Variants in COL25A1 observed in about 807,000 individuals in gnomAD.
COL25A1 encodes collagen alpha-1(XXV) chain.
A neutral mutation model predicts 128.4 loss-of-function variants in COL25A1; 103 were observed. The observed-to-expected ratio is 0.80, with a 90% CI of 0.68 to 0.94. The LOEUF (loss-of-function observed/expected upper bound fraction) is 0.94. COL25A1 is among the 40% of genes least tolerant of loss of function. COL25A1 has a pLI of 0.00. For missense variants in COL25A1, 745 were observed against 840.0 expected (o/e 0.89, Z 1.40); for synonymous variants, 279 against 277.2 (o/e 1.01, Z -0.06).
rs146642773 is a variant in COL25A1, at chr4:109,149,059, C to T, written c.368-98880G>A. ...AACATCCTTCAATTGTATTATCATACATGTCTCTTCCAGATATCCCTAATC... is the reference window on the plus strand; with the variant it reads ...AACATCCTTCAATTGTATTATCATATATGTCTCTTCCAGATATCCCTAATC... On this transcript the variant is annotated intron_variant, in intron 3 of 37. Coordinates refer to ENST00000399132, the MANE Select transcript of COL25A1 (RefSeq NM_198721.4). Among the ~76,000 whole-genome samples, 144 of 152,304 alleles carry T rather than the reference C, an allele frequency of 9.5e-4. 1 individual carries two copies. The East Asian group carries it at 0.024, about 25-fold the overall frequency.
At chr4:108,815,824 T>C (rs962244670) in intron 37 of COL25A1, among the ~76,000 whole-genome samples, 24 of 152,100 alleles carry the variant, frequency 1.6e-4, no homozygotes, top group Non-Finnish European at 3.2e-4. Context: ...GCGATTCAGA[T>C]TATAAACCCC....
At chr4:108,919,318 G>A (rs566531225) in intron 12 of COL25A1, among the ~76,000 whole-genome samples, 13 of 152,262 alleles carry the variant, frequency 8.5e-5, no homozygotes, top group African/African-American at 2.9e-4. Context: ...ACTTCCCGAA[G>A]CCTGAAGCAG....
rs765662620 is a variant in COL25A1, at chr4:109,050,115, C to T, written c.412+20G>A. On this transcript the variant is annotated intron_variant, in intron 4 of 37. Transcript: ENST00000399132. ...TAACCAGAACATGAGTGACACAGAG[C>T]AGCTGAAAGAGAGACTTACCAGATT... 1 of 1,603,546 alleles carries T rather than the reference C, an allele frequency of 6.2e-7. No individual in the cohort carries two copies. The highest frequency in any genetic ancestry group is 1.1e-5 in the South Asian group (1 of 89,878).
chr4:108,994,898 C>G (rs1434093130), intron 6 of COL25A1, among the ~76,000 whole-genome samples: 1 of 152,196 alleles, frequency 6.6e-6, no homozygotes, highest in Non-Finnish European at 1.5e-5. Flanking sequence ...GGAAAACTAA[C>G]AAACAGAAAG....
chr4:109,050,178 G>T lies in COL25A1; in HGVS notation c.369C>A (p.Gly123=), dbSNP rs764161674. ...EAPSECNCPA[G]PPGKRGKRGR... ...CTCTCTTACCTCGTTTCCCTGGAGG[G>T]CCTGAAATACAAAGGATAATTTTTT... is the stretch of plus-strand genomic sequence containing the variant. The change falls in exon 4 of 38, where the codon GGC becomes GGA. Residue 123 remains glycine, a splice_region_variant and synonymous_variant. Transcript: ENST00000399132. The T allele has an allele frequency of 1.2e-6, 2 of 1,605,662 alleles. No homozygotes were observed. The highest frequency in any genetic ancestry group is 1.7e-5 in the Admixed American group (1 of 59,624).
chr4:109,279,403 C>A (rs1328103863), intron 3 of COL25A1, among the ~76,000 whole-genome samples: 1 of 152,006 alleles, frequency 6.6e-6, no homozygotes, highest in Non-Finnish European at 1.5e-5. Context: ...AATAAAGACT[C>A]CATCTCTTCA....
chr4:108,952,950 T>C (rs192543960), intron 8 of COL25A1, among the ~76,000 whole-genome samples: 122 of 144,692 alleles, frequency 8.4e-4, no homozygotes, highest in African/African-American at 2.8e-3. Context: ...TTGCTAAACA[T>C]CCTTTGTTTG....
At chr4:108,902,446 T>C (rs1742953402) in intron 13 of COL25A1, among the ~76,000 whole-genome samples, 1 of 152,134 alleles carries the variant, frequency 6.6e-6, no homozygotes, top group South Asian at 2.1e-4. Context: ...GTTACACTGA[T>C]AAGTGAACGA....
chr4:108,824,457 G>C (rs1732134667), intron 34 of COL25A1, among the ~76,000 whole-genome samples: 1 of 152,192 alleles, frequency 6.6e-6, no homozygotes, highest in South Asian at 2.1e-4. Context: ...ATACAGAGTA[G>C]AAAGAATACC....
intron 11 of COL25A1, among the ~76,000 whole-genome samples, chr4:108,935,594 C>T (rs1747300120): frequency 6.6e-6 from 1 of 151,648 alleles, no homozygotes; most frequent in African/African-American, 2.4e-5. Flanking sequence ...CGAACTAAAT[C>T]CTAAGAGTTT....
chr4:108,940,611 A>T lies in COL25A1; in HGVS notation c.600T>A (p.Pro200=). ...GTGGCCCTCTTGGGCCTGGAGGGCC[A>T]GGGGGTCCTGGAGGCCCTGCCTGTC... ...DQGQAGPPGP[P]GPPGPRGPPG... The change falls in exon 10 of 38, where the codon CCT becomes CCA. Residue 200 remains proline (P), a synonymous_variant. Coordinates refer to ENST00000399132, the MANE Select transcript of COL25A1 (RefSeq NM_198721.4). The T allele has an allele frequency of 6.2e-7, 1 of 1,609,726 alleles. No individual in the cohort carries two copies. Among genetic ancestry groups the T allele is most frequent in the Non-Finnish European group, 8.5e-7 (1 of 1,177,826 alleles).
chr4:108,819,020 G>A (rs933044011), intron 36 of COL25A1, among the ~76,000 whole-genome samples: 3 of 152,090 alleles, frequency 2.0e-5, no homozygotes, highest in Admixed American at 2.0e-4. Flanking sequence ...CAGAAAAGGT[G>A]GTCATGTCAG....
In COL25A1 at chr4:109,186,037, T is replaced by G. The variant is rs575569075; in HGVS notation, c.367+114546A>C. Among the ~76,000 whole-genome samples, 8 of 152,366 alleles carry G rather than the reference T, an allele frequency of 5.3e-5. No individual in the cohort carries two copies. In the South Asian group the frequency reaches 1.7e-3, roughly 32 times the overall value. ...ACTAATTTAAAATCTTTCTATCATT[T>G]GCTAAAACCTACCAAATATATGAGA... On this transcript the variant is annotated intron_variant, in intron 3 of 37. Coordinates refer to ENST00000399132, the MANE Select transcript of COL25A1 (RefSeq NM_198721.4).
At chr4:109,177,910 G>C (rs1560817771) in intron 3 of COL25A1, among the ~76,000 whole-genome samples, 1 of 152,198 alleles carries the variant, frequency 6.6e-6, no homozygotes, top group Non-Finnish European at 1.5e-5. Flanking sequence ...AAAGAGCAGA[G>C]AGACATGTTA....
In COL25A1 at chr4:108,827,285, A is replaced by T. The variant is rs1732511126; in HGVS notation, c.1711-97T>A. 2.9e-6 allele frequency: 3 copies of T among 1,051,074 alleles called. No individual in the cohort carries two copies. In the African/African-American group the frequency reaches 4.7e-5, roughly 16 times the overall value. The allele number at this position is 1,051,074 out of a possible 1,614,324, so 65.1% of individuals were successfully genotyped here. ...GTCTAAAGCCTCTATTTCAAGGACC[A>T]TTCTATGAAAATCTCAAAGATTTAG... On this transcript the variant is annotated intron_variant, in intron 32 of 37. Transcript: ENST00000399132.
chr4:109,072,029 T>G (rs1027966035), intron 3 of COL25A1, among the ~76,000 whole-genome samples: 1 of 152,218 alleles, frequency 6.6e-6, no homozygotes, highest in African/African-American at 2.4e-5. Context: ...GAGGAACATT[T>G]TCGTGCAGAT....
intron 3 of COL25A1, among the ~76,000 whole-genome samples, chr4:109,170,580 C>T (rs927883773): frequency 6.6e-6 from 1 of 152,072 alleles, no homozygotes; most frequent in African/African-American, 2.4e-5. Flanking sequence ...TCAGAGTACA[C>T]GTGCCCATTG....
chr4:109,110,123 C>T (rs1453448257), intron 3 of COL25A1, among the ~76,000 whole-genome samples: 1 of 152,104 alleles, frequency 6.6e-6, no homozygotes, highest in Non-Finnish European at 1.5e-5. Context: ...ACATCTAGTA[C>T]AGGAGGGATG....
At chr4:108,822,535 GCCTCTGGAGT>G (rs1731906209) in intron 35 of COL25A1, among the ~76,000 whole-genome samples, 1 of 152,080 alleles carries the variant, frequency 6.6e-6, no homozygotes, top group South Asian at 2.1e-4. Flanking sequence ...TCCCACCTCA[GCCTCTGGAGT>G]AGCTGGGACT....
Sources: allele counts gnomAD v4.1 joint callset (sites outside exome capture counted in the v4.1 genomes callset), GRCh38; gene constraint gnomAD v4.1.1; transcripts MANE v1.5; gene names NCBI Gene and HGNC (gene_info 2026-07-23, HGNC 2026-07-21).